CYP4X1: variants seen among roughly 807,000 people sequenced by gnomAD.
CYP4X1 encodes the protein cytochrome P450 family 4 subfamily X member 1, also known as cytochrome P450 4X1.
Under a neutral mutation model 57.9 loss-of-function variants are expected in CYP4X1, and 44 were observed. The observed-to-expected ratio is 0.76, with a 90% CI of 0.60 to 0.98. The LOEUF is 0.98. Among genes scored for constraint, CYP4X1 ranks in the 50% least tolerant of loss-of-function variants. CYP4X1 has a pLI of 0.00. For synonymous variants in CYP4X1, 227 were observed against 228.6 expected (o/e 0.99, Z 0.06); for missense variants, 532 against 623.9 (o/e 0.85, Z 1.57).
chr1:46,967,635 G>A, the CYP4X1 span: 14 of 399,604 alleles, frequency 3.5e-5, no homozygotes, highest in South Asian at 7.6e-4. Context: ...CAGGAGACAG[G>A]AGCAGGGGTG....
At chr1:46,984,117 G>C in the CYP4X1 span, among the ~76,000 whole-genome samples, 1 of 151,530 alleles carries the variant, frequency 6.6e-6, no homozygotes, top group Non-Finnish European at 1.5e-5. Flanking sequence ...GAGAAAGTTG[G>C]TGGGGGAGGG....
chr1:47,040,153 T>C (rs1276844291), intron 8 of CYP4X1, among the ~76,000 whole-genome samples: 13 of 152,070 alleles, frequency 8.5e-5, no homozygotes, highest in Admixed American at 8.5e-4. Context: ...CAAATTGCAG[T>C]GTAGCATAAT....
chr1:46,990,279 G>A, the CYP4X1 span, among the ~76,000 whole-genome samples: 2 of 152,188 alleles, frequency 1.3e-5, no homozygotes, highest in East Asian at 3.8e-4. Flanking sequence ...CATTTATGCA[G>A]CCAACAAACA....
At chr1:46,977,533 C>G in the CYP4X1 span, among the ~76,000 whole-genome samples, 21 of 151,978 alleles carry the variant, frequency 1.4e-4, no homozygotes, top group Admixed American at 2.0e-4. Flanking sequence ...GAGAATGGAG[C>G]CAAGTTGGAA....
chr1:47,021,142 C>CA (rs546594827), upstream of CYP4X1, among the ~76,000 whole-genome samples: 23,505 of 46,988 alleles, frequency 0.5, 8,401 homozygotes, highest in Middle Eastern at 0.68. Context: ...GCAGGAATGC[C>CA]AAAAAAAAAA....
At chr1:47,044,172 C>G (rs779304460) in intron 8 of CYP4X1, among the ~76,000 whole-genome samples, 6 of 152,036 alleles carry the variant, frequency 3.9e-5, no homozygotes, top group Non-Finnish European at 8.8e-5. Flanking sequence ...TTCCTTTCAT[C>G]CTCTCTTACT....
the CYP4X1 span, among the ~76,000 whole-genome samples, chr1:46,962,115 T>C: frequency 6.6e-6 from 1 of 152,146 alleles, no homozygotes; most frequent in Non-Finnish European, 1.5e-5. Flanking sequence ...TCTGTCTTTC[T>C]TTCTTTCTTT....
the CYP4X1 span, among the ~76,000 whole-genome samples, chr1:47,013,676 T>A: frequency 6.6e-6 from 1 of 151,498 alleles, no homozygotes. Context: ...TAGCAATTTA[T>A]TTAATTTGAT....
downstream of CYP4X1, among the ~76,000 whole-genome samples, chr1:47,054,870 G>T (rs1644383688): frequency 6.6e-6 from 1 of 152,182 alleles, no homozygotes; most frequent in Non-Finnish European, 1.5e-5. Flanking sequence ...TGCAAACAGG[G>T]ACAATTTGAC....
chr1:47,036,128 C>T lies in CYP4X1; in HGVS notation c.732C>T (p.Gly244=). The part of the protein sequence containing the change: ...SDIIFKLSPQ[G]YRFQKLSRVL... ...TAATTTTCAAACTCAGCCCTCAGGG[C>T]TACCGCTTCCAGAAGTTAAGCCGAG... The change falls in exon 6 of 12, where the codon GGC becomes GGT. Residue 244 remains glycine (G), a synonymous_variant. Transcript: ENST00000371901. 6.2e-7 allele frequency: 1 copy of T among 1,613,604 alleles called. No homozygotes were observed. Among genetic ancestry groups the T allele is most frequent in the Admixed American group, 1.7e-5 (1 of 59,964 alleles).
chr1:46,966,452 A>G, the CYP4X1 span, among the ~76,000 whole-genome samples: 1 of 152,064 alleles, frequency 6.6e-6, no homozygotes, highest in Non-Finnish European at 1.5e-5. Flanking sequence ...TTAAAGATCC[A>G]TGGGAGAAGT....
chr1:47,005,079 G>T, the CYP4X1 span, among the ~76,000 whole-genome samples: 29 of 152,222 alleles, frequency 1.9e-4, no homozygotes, highest in African/African-American at 7.0e-4. Flanking sequence ...AGAGACATCT[G>T]ATACTCTAAG....
the CYP4X1 span, among the ~76,000 whole-genome samples, chr1:47,016,394 T>C: frequency 6.6e-5 from 10 of 151,840 alleles, no homozygotes; most frequent in East Asian, 1.7e-3. Flanking sequence ...CAGGCTGCAG[T>C]GCAGTGGCGC....
chr1:47,044,883 C>T (rs1569652033), intron 8 of CYP4X1, among the ~76,000 whole-genome samples: 1 of 150,938 alleles, frequency 6.6e-6, no homozygotes, highest in Admixed American at 6.6e-5. Context: ...AGTGCAGTGG[C>T]GCAATCTCTC....
At chr1:46,981,134 G>A in the CYP4X1 span, among the ~76,000 whole-genome samples, 1 of 152,136 alleles carries the variant, frequency 6.6e-6, no homozygotes, top group South Asian at 2.1e-4. Flanking sequence ...TGACAAATGG[G>A]ATCTAATTAA....
rs1288186566 is a variant in CYP4X1 at position 47,033,258 on chromosome 1, C to G, written c.382C>G (p.Leu128Val). 1.9e-6 allele frequency: 3 copies of G among 1,613,664 alleles called. No individual in the cohort carries two copies. The South Asian group carries it at 3.3e-5, about 18-fold the overall frequency. The change falls in exon 4 of 12, where the codon CTA (leucine) becomes GTA (valine). Residue 128 changes from leucine to valine, a missense_variant. By Grantham distance (32) the Leu-to-Val change is conservative. Coordinates refer to ENST00000371901, the MANE Select transcript of CYP4X1 (RefSeq NM_178033.2). ...PPLLGKGLAA[L>V]DGPKWFQHRR... The stretch of plus-strand genomic sequence containing the variant: ...TTCTCAAGGAAAAGGACTAGCGGCT[C>G]TAGACGGACCCAAGTGGTTCCAGCA...
chr1:46,967,748 G>C, the CYP4X1 span: 2 of 1,264,054 alleles, frequency 1.6e-6, no homozygotes, highest in Non-Finnish European at 2.1e-6. Flanking sequence ...TTGAACTTCA[G>C]CAAAATTCAT....
chr1:46,978,636 C>A, the CYP4X1 span, among the ~76,000 whole-genome samples: 1 of 152,024 alleles, frequency 6.6e-6, no homozygotes, highest in African/African-American at 2.4e-5. Context: ...TAATAGACAT[C>A]TACAGAACTC....
chr1:47,052,292 T>C (rs545701747), downstream of CYP4X1, among the ~76,000 whole-genome samples: 1 of 152,154 alleles, frequency 6.6e-6, no homozygotes, highest in South Asian at 2.1e-4. Context: ...TTTTTCGAAA[T>C]ATGTGCCACA....
Sources: gnomAD v4.1 joint callset for allele counts (sites outside exome capture counted in the v4.1 genomes callset) on GRCh38, gnomAD v4.1.1 for gene constraint, MANE v1.5 for transcripts, NCBI Gene and HGNC (gene_info 2026-07-23, HGNC 2026-07-21) for gene names.